TMEM43: variants seen among roughly 807,000 people sequenced by gnomAD.
The protein encoded by TMEM43 is arrhythmogenic right ventricular dysplasia 5.
TMEM43 carries 45 observed loss-of-function variants against 49.6 expected under a neutral mutation model. The ratio of observed to expected loss-of-function variants is 0.91; its 90% confidence interval spans 0.71 to 1.16. The LOEUF (loss-of-function observed/expected upper bound fraction) is 1.16, where lower values mean the gene tolerates loss of function less well. Ranked by LOEUF, TMEM43 falls within the 50% of genes most tolerant of loss-of-function variation. The probability of loss-of-function intolerance (pLI) is 0.00; values close to 1 mark genes in which losing one functional copy is unlikely to be tolerated. For synonymous variants in TMEM43, 199 were observed against 207.8 expected, an observed-to-expected ratio of 0.96 and a Z score of 0.36; for missense variants, 532 against 516.6, an observed-to-expected ratio of 1.03 and a Z score of -0.29.
chr3:14,134,605 C>T (rs1236228538), intron 7 of TMEM43, among the ~76,000 whole-genome samples, 165 bp from the exon 8 acceptor site: 1 of 152,178 alleles, frequency 6.6e-6, no homozygotes, highest in East Asian at 1.9e-4. Context: ...GATGGTCTAA[C>T]CCAGGGGAAG....
chr3:14,136,668 T>C (rs1048745213), intron 10 of TMEM43, among the ~76,000 whole-genome samples: 5 of 150,516 alleles, frequency 3.3e-5, no homozygotes, highest in African/African-American at 9.8e-5. Context: ...GCACCCGGAG[T>C]GCTGTGGCCA....
In TMEM43 at chr3:14,129,478, G is replaced by T; in HGVS notation, c.79G>T (p.Glu27Ter). The T allele has an allele frequency of 6.2e-7, 1 of 1,614,064 alleles. No individual in the cohort carries two copies. The highest frequency in any genetic ancestry group is 8.5e-7 in the Non-Finnish European group (1 of 1,179,994). The change falls in exon 2 of 12, where the codon GAA becomes TAA. Residue 27 changes from glutamate to a stop codon, truncating the protein, a stop_gained. Coordinates refer to ENST00000306077, the MANE Select transcript of TMEM43 (RefSeq NM_024334.3). LOFTEE classifies it high-confidence loss of function. Reference sequence around the variant, plus strand: ...AACCAGCTCCCAGCCAGGCTTCCTGGAACGGCTGAGCGAGACCTCGGGTGG... The same window carrying T: ...AACCAGCTCCCAGCCAGGCTTCCTGTAACGGCTGAGCGAGACCTCGGGTGG... ...VKTSSQPGFL[E>*]RLSETSGGMF...
chr3:14,125,446 G>A (rs1359144731), intron 1 of TMEM43, among the ~76,000 whole-genome samples: 1 of 152,212 alleles, frequency 6.6e-6, no homozygotes, highest in African/African-American at 2.4e-5. Flanking sequence ...TCGTGCGGAG[G>A]CGGACTCGGA....
intron 1 of TMEM43, among the ~76,000 whole-genome samples, chr3:14,127,948 C>T (rs1301326913): frequency 6.6e-6 from 1 of 152,200 alleles, no homozygotes; most frequent in African/African-American, 2.4e-5. Flanking sequence ...TGTCAGCTCA[C>T]CCCCAGCCTG....
In TMEM43 at chr3:14,130,822, G is replaced by A. The variant is rs1695083151; in HGVS notation, c.163G>A (p.Gly55Ser). Residue 55 changes from glycine (G) to serine (S), a missense_variant and splice_region_variant, in exon 3 of 12, where the codon GGC (glycine) becomes AGC (serine). Gly to Ser is a moderately conservative substitution (Grantham distance 56). Coordinates refer to ENST00000306077, the MANE Select transcript of TMEM43 (RefSeq NM_024334.3). Reference protein sequence around the residue: ...LSFYLIFTNEGRALKTATSLA... With the variant: ...LSFYLIFTNESRALKTATSLA... ...AATCCCCACTCCCCTTTGCTCCCAG[G>A]GCCGCGCATTGAAGACGGCAACCTC... is the stretch of plus-strand genomic sequence containing the variant. 1.2e-6 allele frequency: 2 copies of A among 1,613,612 alleles called. No individual in the cohort carries two copies. Among genetic ancestry groups the A allele is most frequent in the Non-Finnish European group, 1.7e-6 (2 of 1,179,848 alleles).
intron 10 of TMEM43, among the ~76,000 whole-genome samples, chr3:14,138,459 C>T (rs1002708871): frequency 2.0e-5 from 3 of 151,986 alleles, no homozygotes; most frequent in Non-Finnish European, 2.9e-5. Context: ...AGGGGAGGAG[C>T]GAGCCATGTC....
At chr3:14,141,282 A>G in intron 11 of TMEM43, among the ~76,000 whole-genome samples, 1 of 152,282 alleles carries the variant, frequency 6.6e-6, no homozygotes, top group East Asian at 1.9e-4. Context: ...TTACAGGCAA[A>G]TGTCTTTATA....
At chr3:14,130,731 A>G (rs1454527625) in intron 2 of TMEM43, 91 bp from the exon 3 acceptor site, 1 of 1,495,602 alleles carries the variant, frequency 6.7e-7, no homozygotes, top group African/African-American at 1.4e-5. Flanking sequence ...GCGCTCCCGG[A>G]GGCCCCATCC....
At chr3:14,130,075 CTCTT>C (rs938359735) in intron 2 of TMEM43, among the ~76,000 whole-genome samples, 6 of 139,338 alleles carry the variant, frequency 4.3e-5, no homozygotes, top group African/African-American at 1.3e-4. Context: ...CTCTCTTTCT[CTCTT>C]TCTTGTTTGT....
chr3:14,125,187 T>A lies in TMEM43; in HGVS notation c.-7T>A. The A allele has an allele frequency of 6.2e-7, 1 of 1,610,454 alleles. No individual in the cohort carries two copies. The highest frequency in any genetic ancestry group is 2.2e-5 in the East Asian group (1 of 44,766). On this transcript the variant is annotated 5_prime_UTR_variant, in exon 1 of 12. Coordinates refer to ENST00000306077, the MANE Select transcript of TMEM43 (RefSeq NM_024334.3). ...CGCGAGGCGGCGGCAGCGAGCCGGGTCCCACCATGGCCGCGAATGTGAGTA... is the reference window on the plus strand; with the variant it reads ...CGCGAGGCGGCGGCAGCGAGCCGGGACCCACCATGGCCGCGAATGTGAGTA...
At chr3:14,128,020 C>T (rs1013448305) in intron 1 of TMEM43, among the ~76,000 whole-genome samples, 2 of 152,152 alleles carry the variant, frequency 1.3e-5, no homozygotes, top group Non-Finnish European at 2.9e-5. Context: ...AACACGTGTC[C>T]AGTGCTTACC....
At chr3:14,125,975 G>C (rs1220175005) in intron 1 of TMEM43, among the ~76,000 whole-genome samples, 1 of 152,140 alleles carries the variant, frequency 6.6e-6, no homozygotes, top group East Asian at 1.9e-4. Context: ...CCCCTCCTCT[G>C]TGAAAGTGCT....
chr3:14,129,307 TAAAAAAAAAAAAAA>T, intron 1 of TMEM43, 91 bp from the exon 2 acceptor site: 5 of 378,882 alleles, frequency 1.3e-5, no homozygotes, highest in South Asian at 5.7e-5. Context: ...CAGTTAAAAC[TAAAAAAAAAAAAAA>T]AAAAAAAAAA....
In TMEM43 at chr3:14,134,885, T is replaced by A. The variant is rs1321317891; in HGVS notation, c.699T>A (p.Tyr233Ter). The part of the protein sequence containing the change: ...DFFYHSENPK[Y>*]PEVGDLRVSF... ...TCTACCACAGCGAAAATCCCAAGTA[T>A]CCAGAGGTGTGCGGAGAGGCCTGGG... The change falls in exon 8 of 12, where the codon TAT (tyrosine) becomes TAA (stop). Residue 233 changes from tyrosine (Y) to a stop codon, truncating the protein, a stop_gained. Transcript: ENST00000306077. LOFTEE classifies it high-confidence loss of function. 6 of 1,614,110 alleles carry A rather than the reference T, an allele frequency of 3.7e-6. No homozygotes were observed. Among genetic ancestry groups the A allele is most frequent in the Non-Finnish European group, 5.1e-6 (6 of 1,180,014 alleles).
rs1574939228 is a variant in TMEM43, at chr3:14,134,889, G to A, written c.703G>A (p.Glu235Lys). The A allele has an allele frequency of 1.2e-6, 2 of 1,614,178 alleles. No homozygotes were observed. The highest frequency in any genetic ancestry group is 1.7e-6 in the Non-Finnish European group (2 of 1,180,028). The change falls in exon 8 of 12, where the codon GAG (glutamate) becomes AAG (lysine). Residue 235 changes from glutamate to lysine, a missense_variant and splice_region_variant. Coordinates refer to ENST00000306077, the MANE Select transcript of TMEM43 (RefSeq NM_024334.3). The part of the protein sequence containing the change: ...FYHSENPKYP[E>K]VGDLRVSFSY... ...CCACAGCGAAAATCCCAAGTATCCA[G>A]AGGTGTGCGGAGAGGCCTGGGCTCT...
chr3:14,132,993 C>T lies in TMEM43; in HGVS notation c.512+58C>T, dbSNP rs1348969479. 4 of 1,393,764 alleles carry T rather than the reference C, an allele frequency of 2.9e-6. No homozygotes were observed. The Admixed American group carries it at 6.7e-5, about 23-fold the overall frequency. The allele number at this position is 1,393,764 out of a possible 1,614,324, so 86.3% of individuals were successfully genotyped here. The stretch of plus-strand genomic sequence containing the variant: ...TTGTCTACACTGGCAGGTCTCCAGC[C>T]TCAGTTTCTTCATCTGAATAACAGG... On this transcript the variant is annotated intron_variant, in intron 6 of 11. Transcript: ENST00000306077.
At position 14,129,410 on chromosome 3, in the gene TMEM43, A is replaced by G. The variant is rs759720857; in HGVS notation, c.13-2A>G. 1.2e-6 allele frequency: 2 copies of G among 1,609,402 alleles called. No individual in the cohort carries two copies. The highest frequency in any genetic ancestry group is 2.2e-5 in the South Asian group (2 of 90,288). Reference sequence around the variant, plus strand: ...ATTCTGTTACTGTTTCTTTTTCTTCAGTATTCCAGTACCAGTACCCGGAGA... The same window carrying G: ...ATTCTGTTACTGTTTCTTTTTCTTCGGTATTCCAGTACCAGTACCCGGAGA... On this transcript the variant is annotated splice_acceptor_variant, in intron 1 of 11. Transcript: ENST00000306077. LOFTEE classifies it high-confidence loss of function.
chr3:14,142,108 T>C lies in TMEM43; in HGVS notation c.*313T>C, dbSNP rs142596143. 1.4e-4 allele frequency: 60 copies of C among 422,348 alleles called. No homozygotes were observed. Among genetic ancestry groups the C allele is most frequent in the African/African-American group, 7.2e-4 (36 of 49,940 alleles). The allele number at this position is 422,348 out of a possible 1,614,324, so 26.2% of individuals were successfully genotyped here. A position where few individuals can be genotyped will look rare whatever the true frequency, so the allele number is the denominator to read the frequency against. On this transcript the variant is annotated 3_prime_UTR_variant, in exon 12 of 12. Coordinates refer to ENST00000306077, the MANE Select transcript of TMEM43 (RefSeq NM_024334.3). ...TGGGTACGGCCAGCCACTCAGCCCA[T>C]TGGCAGCTGACAACGCAGACACGCT...
At chr3:14,125,469 G>T (rs528730915) in intron 1 of TMEM43, among the ~76,000 whole-genome samples, 2 of 152,104 alleles carry the variant, frequency 1.3e-5, no homozygotes, top group Admixed American at 1.3e-4. Context: ...TGTTGCTCCC[G>T]TACTGGGATC....
Sources: gnomAD v4.1 joint callset for allele counts (sites outside exome capture counted in the v4.1 genomes callset) on GRCh38, gnomAD v4.1.1 for gene constraint, MANE v1.5 for transcripts, NCBI Gene and HGNC (gene_info 2026-07-23, HGNC 2026-07-21) for gene names.